The following DPP10 variants were observed in gnomAD, a reference collection of about 807,000 sequenced individuals.
DPP10 encodes inactive dipeptidyl peptidase 10.
In DPP10, 33 loss-of-function variants were observed where a neutral mutation model predicts 120.9. The ratio of observed to expected loss-of-function variants is 0.27; its 90% CI spans 0.21 to 0.37. DPP10 has a LOEUF of 0.37. DPP10 is among the 10% of genes least tolerant of loss of function. The probability of loss-of-function intolerance (pLI) is 1.00; values close to 1 mark genes in which losing one functional copy is unlikely to be tolerated. For synonymous variants in DPP10, 337 were observed against 326.1 expected (o/e 1.03, Z -0.36); for missense variants, 816 against 942.8 (o/e 0.87, Z 1.76).
chr2:114,941,311 T>C (rs922828938), intron 1 of DPP10, among the ~76,000 whole-genome samples: 1 of 152,138 alleles, frequency 6.6e-6, no homozygotes, highest in Non-Finnish European at 1.5e-5. Flanking sequence ...TTGGATTTCA[T>C]TTAGGGACTC....
chr2:115,783,079 CTTCT>C (rs1214411437), intron 17 of DPP10, among the ~76,000 whole-genome samples: 1 of 151,910 alleles, frequency 6.6e-6, no homozygotes, highest in Non-Finnish European at 1.5e-5. Flanking sequence ...TGTTTGTATC[CTTCT>C]TTCATTTTTT....
At chr2:115,794,274 T>C (rs1261058384) in intron 19 of DPP10, among the ~76,000 whole-genome samples, 13 of 152,186 alleles carry the variant, frequency 8.5e-5, no homozygotes, top group Admixed American at 6.5e-4. Flanking sequence ...CAAGGAATTA[T>C]ATAATGAATG....
chr2:115,574,515 A>G (rs1335553973), intron 5 of DPP10, among the ~76,000 whole-genome samples: 3 of 152,078 alleles, frequency 2.0e-5, no homozygotes, highest in Non-Finnish European at 4.4e-5. Flanking sequence ...TTGTTCTTCA[A>G]CACTTAACTA....
intron 1 of DPP10, among the ~76,000 whole-genome samples, chr2:115,047,520 T>C (rs994411591): frequency 6.6e-6 from 1 of 152,042 alleles, no homozygotes; most frequent in African/African-American, 2.4e-5. Context: ...AACCGTGTCT[T>C]TTTCATTATT....
intron 1 of DPP10, among the ~76,000 whole-genome samples, chr2:115,223,366 A>G (rs1449051041): frequency 6.6e-6 from 1 of 152,180 alleles, no homozygotes; most frequent in Non-Finnish European, 1.5e-5. Flanking sequence ...AGGTTTAATT[A>G]TGGCTGTGTC....
chr2:115,012,114 C>A (rs1229989259), intron 1 of DPP10, among the ~76,000 whole-genome samples: 2 of 152,120 alleles, frequency 1.3e-5, no homozygotes, highest in Non-Finnish European at 2.9e-5. Flanking sequence ...CCGTCCTCCA[C>A]ATGAGCTGAA....
intron 3 of DPP10, among the ~76,000 whole-genome samples, chr2:115,381,939 A>G (rs1013583863): frequency 2.6e-5 from 4 of 152,014 alleles, no homozygotes; most frequent in South Asian, 2.1e-4. Flanking sequence ...TGCTGGGAGA[A>G]CCACTGCTCT....
intron 1 of DPP10, among the ~76,000 whole-genome samples, chr2:115,122,945 C>T (rs2049898721): frequency 1.3e-5 from 2 of 152,144 alleles, no homozygotes; most frequent in Non-Finnish European, 1.5e-5. Context: ...TCATTCTGGG[C>T]ATTGGTTAGT....
At chr2:115,261,705 T>C (rs1388227833) in intron 1 of DPP10, among the ~76,000 whole-genome samples, 1 of 152,244 alleles carries the variant, frequency 6.6e-6, no homozygotes, top group African/African-American at 2.4e-5. Flanking sequence ...CAGTGGTTAC[T>C]ATGAAGTTTT....
chr2:115,356,975 T>G (rs188962357), intron 3 of DPP10, among the ~76,000 whole-genome samples: 13 of 152,326 alleles, frequency 8.5e-5, no homozygotes, highest in South Asian at 6.2e-4. Context: ...CTAATTTACA[T>G]TATCACCAAC....
intron 3 of DPP10, among the ~76,000 whole-genome samples, chr2:115,416,090 A>G (rs1280442652): frequency 6.6e-6 from 1 of 151,982 alleles, no homozygotes; most frequent in African/African-American, 2.4e-5. Flanking sequence ...TAATTAGACT[A>G]CAGGGTGTCC....
chr2:115,541,412 G>A (rs974895729), intron 5 of DPP10, among the ~76,000 whole-genome samples: 1 of 151,710 alleles, frequency 6.6e-6, no homozygotes, highest in African/African-American at 2.4e-5. Context: ...GCATATTACT[G>A]CATTTCATTC....
intron 5 of DPP10, among the ~76,000 whole-genome samples, chr2:115,581,127 GTT>G (rs1046075834): frequency 1.9e-4 from 29 of 152,246 alleles, no homozygotes; most frequent in African/African-American, 6.5e-4. Context: ...GTCTTTTAGA[GTT>G]TTACATTCTA....
At chr2:114,541,624 AT>A (rs1686962479) in intron 1 of DPP10, among the ~76,000 whole-genome samples, 2 of 152,370 alleles carry the variant, frequency 1.3e-5, no homozygotes, top group South Asian at 4.1e-4. Flanking sequence ...TAGAAAAAAA[AT>A]AAAAGCAAAT....
At chr2:114,467,490 G>T (rs1158259524) in intron 1 of DPP10, among the ~76,000 whole-genome samples, 1 of 152,064 alleles carries the variant, frequency 6.6e-6, no homozygotes, top group African/African-American at 2.4e-5. Flanking sequence ...CAAAATAGAT[G>T]TCTAGAGATC....
chr2:115,328,677 C>G (rs964787621), intron 2 of DPP10, among the ~76,000 whole-genome samples: 1 of 152,008 alleles, frequency 6.6e-6, no homozygotes, highest in African/African-American at 2.4e-5. Context: ...TACAAAGAAT[C>G]AAACATGCCA....
At chr2:115,180,924 C>A (rs545520705) in intron 1 of DPP10, among the ~76,000 whole-genome samples, 7 of 131,222 alleles carry the variant, frequency 5.3e-5, no homozygotes, top group African/African-American at 1.8e-4. Context: ...CTTCCTCCTG[C>A]CTCCCTCCCT....
chr2:115,761,734 A>G (rs542346414), intron 11 of DPP10, among the ~76,000 whole-genome samples: 3 of 152,274 alleles, frequency 2.0e-5, no homozygotes, highest in South Asian at 2.1e-4. Context: ...ACCAATTATA[A>G]TGTAATCATA....
intron 1 of DPP10, among the ~76,000 whole-genome samples, chr2:115,140,098 CAAAT>C (rs747319827): frequency 1.3e-5 from 2 of 152,028 alleles, no homozygotes; most frequent in African/African-American, 2.4e-5. Flanking sequence ...AACATATAAA[CAAAT>C]AAATAAACAT....
Sources: allele counts gnomAD v4.1 joint callset (sites outside exome capture counted in the v4.1 genomes callset), GRCh38; gene constraint gnomAD v4.1.1; transcripts MANE v1.5; gene names NCBI Gene and HGNC (gene_info 2026-07-23, HGNC 2026-07-21).